PPP6R3: variants seen among roughly 807,000 people sequenced by gnomAD.
PPP6R3 encodes protein phosphatase 6 regulatory subunit 3.
In PPP6R3, 38 loss-of-function variants were observed where a neutral mutation model predicts 110.7. The observed-to-expected ratio is 0.34, with a 90% confidence interval of 0.26 to 0.45. The LOEUF is 0.45. Among genes scored for constraint, PPP6R3 ranks in the 20% least tolerant of loss-of-function variants. The pLI is 1.00. For missense variants in PPP6R3, 870 were observed against 1,062.4 expected, an observed-to-expected ratio of 0.82 and a Z score of 2.52; for synonymous variants, 369 against 373.5, an observed-to-expected ratio of 0.99 and a Z score of 0.14.
chr11:68,495,932 A>G (rs1490638770), intron 1 of PPP6R3, among the ~76,000 whole-genome samples: 1 of 152,184 alleles, frequency 6.6e-6, no homozygotes, highest in East Asian at 1.9e-4. Context: ...TGTCTACACC[A>G]TTTTACATTC....
At chr11:68,595,605 C>A (rs998200258) in intron 18 of PPP6R3, among the ~76,000 whole-genome samples, 1 of 152,098 alleles carries the variant, frequency 6.6e-6, no homozygotes, top group Admixed American at 6.5e-5. Context: ...AAACGACAAA[C>A]CATGCACTGG....
chr11:68,535,288 C>T (rs1449173447), intron 2 of PPP6R3: 5 of 152,104 alleles, frequency 3.3e-5, no homozygotes, highest in Admixed American at 6.6e-5. Context: ...GCTGTCAGTG[C>T]GAGGAGTTGT....
intron 1 of PPP6R3, among the ~76,000 whole-genome samples, chr11:68,512,557 G>A (rs1032023239): frequency 1.3e-5 from 2 of 152,206 alleles, no homozygotes; most frequent in Admixed American, 6.5e-5. Context: ...GTTGCATCAC[G>A]TTAGACGGAA....
intron 1 of PPP6R3, among the ~76,000 whole-genome samples, chr11:68,503,376 A>G (rs1315910660): frequency 6.6e-6 from 1 of 152,222 alleles, no homozygotes; most frequent in African/African-American, 2.4e-5. Context: ...ACTTCGAGCA[A>G]ATGTGCTGCA....
At chr11:68,535,269 A>G (rs1305637762) in intron 2 of PPP6R3, 4 of 152,228 alleles carry the variant, frequency 2.6e-5, no homozygotes, top group Admixed American at 6.5e-5. Flanking sequence ...GCCTAGCAGC[A>G]TAGTGGCTGC....
chr11:68,498,812 C>T (rs376463684), intron 1 of PPP6R3, among the ~76,000 whole-genome samples: 17 of 152,192 alleles, frequency 1.1e-4, no homozygotes, highest in Admixed American at 4.6e-4. Flanking sequence ...CAACAACATA[C>T]GTATGCATTT....
In PPP6R3 at chr11:68,601,885, A is replaced by G. The variant is rs1594004606; in HGVS notation, c.2215A>G (p.Asn739Asp). 6.2e-7 allele frequency: 1 copy of G among 1,613,448 alleles called. No individual in the cohort carries two copies. The highest frequency in any genetic ancestry group is 2.2e-5 in the East Asian group (1 of 44,852). ...AAGCACAAAAGATTCTTTAAGGAGT[A>G]ATTCTCCAGTGGAAATGGAAACCAG... ...SLSTKDSLRS[N>D]SPVEMETSTE... The change falls in exon 21 of 24, where the codon AAT (asparagine) becomes GAT (aspartate). Residue 739 changes from asparagine to aspartate, a missense_variant. By Grantham distance (23) the Asn-to-Asp change is conservative. Coordinates refer to ENST00000393800, the MANE Select transcript of PPP6R3 (RefSeq NM_001164161.2).
intron 15 of PPP6R3, 104 bp downstream of exon 15, chr11:68,583,233 T>C: frequency 1.1e-6 from 1 of 882,888 alleles, no homozygotes; most frequent in Non-Finnish European, 1.7e-6. Context: ...TAGAATGTGA[T>C]TTGGGGTTAC....
rs149340268 is a variant in PPP6R3 at position 68,604,016 on chromosome 11, G to A, written c.2450+524G>A. 1.4e-3 allele frequency among the ~76,000 whole-genome samples: 213 copies of A among 152,244 alleles called. 1 individual carries two copies. The highest frequency in any genetic ancestry group is 4.8e-3 in the African/African-American group (199 of 41,542). ...AAAACCTAAAACTGAGAGAATAATG[G>A]GAAAAATGTCTGTCAAAACTTAAGG... On this transcript the variant is annotated intron_variant, in intron 22 of 23. Transcript: ENST00000393800.
At chr11:68,577,422 T>G (rs1042857613) in intron 14 of PPP6R3, among the ~76,000 whole-genome samples, 1 of 152,246 alleles carries the variant, frequency 6.6e-6, no homozygotes, top group Admixed American at 6.5e-5. Flanking sequence ...ACTATTGTCT[T>G]GTCTTATAAA....
chr11:68,609,008 T>C (rs1373241656), intron 22 of PPP6R3, among the ~76,000 whole-genome samples: 1 of 152,168 alleles, frequency 6.6e-6, no homozygotes, highest in East Asian at 1.9e-4. Flanking sequence ...GAATGCATCC[T>C]AATATGAGAT....
intron 4 of PPP6R3, among the ~76,000 whole-genome samples, chr11:68,547,173 T>C (rs2099352579): frequency 1.3e-5 from 2 of 152,204 alleles, no homozygotes; most frequent in African/African-American, 4.8e-5. Flanking sequence ...AGCCACCTTT[T>C]AGCTCTGGAA....
At chr11:68,476,605 A>G (rs538812640) in intron 1 of PPP6R3, among the ~76,000 whole-genome samples, 1 of 152,336 alleles carries the variant, frequency 6.6e-6, no homozygotes, top group African/African-American at 2.4e-5. Context: ...CTTTAGCTAT[A>G]TGCTATAAGT....
At chr11:68,592,195 A>G (rs1447176922) in intron 18 of PPP6R3, among the ~76,000 whole-genome samples, 2 of 152,118 alleles carry the variant, frequency 1.3e-5, no homozygotes, top group Non-Finnish European at 2.9e-5. Context: ...ACCTAAATAA[A>G]TGATGCTTCT....
intron 1 of PPP6R3, chr11:68,488,796 A>G (rs1443558089): frequency 6.6e-6 from 1 of 152,136 alleles, no homozygotes; most frequent in Non-Finnish European, 1.5e-5. Context: ...TTAAGGACAC[A>G]TTGGCTCAGG....
intron 1 of PPP6R3, among the ~76,000 whole-genome samples, chr11:68,513,097 A>G (rs2099118711): frequency 6.6e-6 from 1 of 151,956 alleles, no homozygotes; most frequent in African/African-American, 2.4e-5. Context: ...TTGTGGACTG[A>G]GTTAGAGACC....
In PPP6R3 at chr11:68,596,182, A is replaced by C. The variant is rs2099613410; in HGVS notation, c.2002A>C (p.Asn668His). 1 of 1,614,140 alleles carries C rather than the reference A, an allele frequency of 6.2e-7. No homozygotes were observed. The highest frequency in any genetic ancestry group is 1.1e-5 in the South Asian group (1 of 91,096). Residue 668 changes from asparagine to histidine, a missense_variant, in exon 19 of 24, where the codon AAC (asparagine) becomes CAC (histidine). Asn to His is a moderately conservative substitution (Grantham distance 68). Transcript: ENST00000393800. Reference sequence around the variant, plus strand: ...AGACTTGTTTGAACCCAGCAGTGCCAACACGGAGGATAAAATGGAGGTGGA... The same window carrying C: ...AGACTTGTTTGAACCCAGCAGTGCCCACACGGAGGATAAAATGGAGGTGGA... ...KQDLFEPSSANTEDKMEVDLS... is the reference protein window; with the variant it reads ...KQDLFEPSSAHTEDKMEVDLS...
chr11:68,594,678 A>T (rs1022096678), intron 18 of PPP6R3, among the ~76,000 whole-genome samples: 4 of 152,190 alleles, frequency 2.6e-5, no homozygotes, highest in Admixed American at 2.6e-4. Flanking sequence ...GAATCTATAG[A>T]TTCAACACAA....
chr11:68,588,814 C>G (rs1042083951), intron 16 of PPP6R3, among the ~76,000 whole-genome samples: 1 of 151,844 alleles, frequency 6.6e-6, no homozygotes, highest in African/African-American at 2.4e-5. Flanking sequence ...AGGGTTTGAC[C>G]TCTTTCACAG....
Sources: allele counts gnomAD v4.1 joint callset (sites outside exome capture counted in the v4.1 genomes callset), GRCh38; gene constraint gnomAD v4.1.1; transcripts MANE v1.5; gene names NCBI Gene and HGNC (gene_info 2026-07-23, HGNC 2026-07-21).